The following BTBD9 variants were observed in gnomAD, a reference collection of about 807,000 sequenced individuals.
BTBD9 encodes the protein BTB domain containing 9, also known as BTB/POZ domain-containing protein 9.
In BTBD9, 49 loss-of-function variants were observed where a neutral mutation model predicts 64.3. That is an observed-to-expected ratio of 0.76 (90% CI 0.61 to 0.97). The LOEUF (loss-of-function observed/expected upper bound fraction) is 0.97. Among genes scored for constraint, BTBD9 ranks in the 50% least tolerant of loss-of-function variants. BTBD9 has a pLI of 0.00. For synonymous variants in BTBD9, 260 were observed against 274.7 expected (o/e 0.95, Z 0.53); for missense variants, 598 against 762.1 (o/e 0.78, Z 2.53).
chr6:38,542,562 A>T (rs886614107), intron 6 of BTBD9, among the ~76,000 whole-genome samples: 13 of 152,190 alleles, frequency 8.5e-5, no homozygotes, highest in African/African-American at 3.1e-4. Flanking sequence ...CTGACCGGTA[A>T]GGCTGTTCCA....
chr6:38,226,896 G>A (rs1441483941), intron 9 of BTBD9, among the ~76,000 whole-genome samples: 1 of 152,224 alleles, frequency 6.6e-6, no homozygotes, highest in Non-Finnish European at 1.5e-5. Flanking sequence ...AACCACTGCT[G>A]CGGCCTATCA....
rs530183741 is a variant in BTBD9, at chr6:38,275,189, C to T, written c.1454+13083G>A. ...AACAGAACAGAGCCCTCAGATATAA[C>T]GCCACATATCTACAACTATCTGATC... On this transcript the variant is annotated intron_variant, in intron 8 of 10. Transcript: ENST00000481247. Among the ~76,000 whole-genome samples, 8 of 152,248 alleles carry T rather than the reference C, an allele frequency of 5.3e-5. No individual in the cohort carries two copies. In the East Asian group the frequency reaches 5.8e-4, roughly 11 times the overall value.
intron 6 of BTBD9, among the ~76,000 whole-genome samples, chr6:38,470,052 A>G (rs1582482315): frequency 6.6e-6 from 1 of 152,226 alleles, no homozygotes; most frequent in Non-Finnish European, 1.5e-5. Context: ...CCTAACACCA[A>G]CAAGTTCCAA....
At chr6:38,556,117 A>G (rs1775001470) in intron 6 of BTBD9, among the ~76,000 whole-genome samples, 1 of 152,222 alleles carries the variant, frequency 6.6e-6, no homozygotes, top group Non-Finnish European at 1.5e-5. Context: ...ATCATATACG[A>G]AAGGCCACAG....
At chr6:38,618,265 A>G (rs970157378) in intron 1 of BTBD9, among the ~76,000 whole-genome samples, 7 of 152,208 alleles carry the variant, frequency 4.6e-5, no homozygotes, top group Non-Finnish European at 1.0e-4. Flanking sequence ...CCTGGGCCCA[A>G]TATTCTCTCC....
intron 6 of BTBD9, among the ~76,000 whole-genome samples, chr6:38,443,192 T>G (rs1350976480): frequency 6.6e-6 from 1 of 151,984 alleles, no homozygotes; most frequent in Non-Finnish European, 1.5e-5. Flanking sequence ...AGAAGAAAAA[T>G]TCAGGCTGCT....
At chr6:38,487,625 A>AGAGAGAGAGAGAG (rs1771517211) in intron 6 of BTBD9, among the ~76,000 whole-genome samples, 3 of 117,686 alleles carry the variant, frequency 2.5e-5, no homozygotes, top group African/African-American at 6.8e-5. Flanking sequence ...GAGAGAGAGA[A>AGAGAGAGAGAGAG]GGAAGGAAAG....
intron 7 of BTBD9, among the ~76,000 whole-genome samples, chr6:38,343,259 T>C (rs1411998545): frequency 1.3e-5 from 2 of 152,194 alleles, no homozygotes; most frequent in African/African-American, 4.8e-5. Flanking sequence ...GGACAAAACA[T>C]GCATGCCAAC....
chr6:38,200,567 A>C (rs1384618489), intron 9 of BTBD9, among the ~76,000 whole-genome samples: 1 of 152,212 alleles, frequency 6.6e-6, no homozygotes, highest in African/African-American at 2.4e-5. Flanking sequence ...CAAAATTAGA[A>C]GTGAAAAAGG....
At chr6:38,273,346 T>C (rs757890256) in intron 8 of BTBD9, among the ~76,000 whole-genome samples, 10 of 152,130 alleles carry the variant, frequency 6.6e-5, no homozygotes, top group Admixed American at 2.0e-4. Flanking sequence ...TTTTGTATAC[T>C]ATATTGTTTT....
chr6:38,398,270 T>C (rs996683814), intron 6 of BTBD9, among the ~76,000 whole-genome samples: 1 of 152,192 alleles, frequency 6.6e-6, no homozygotes, highest in African/African-American at 2.4e-5. Context: ...CTAAACAGTC[T>C]ATGGTTAAAA....
chr6:38,396,704 A>T (rs1237918921), intron 6 of BTBD9, among the ~76,000 whole-genome samples: 1 of 152,176 alleles, frequency 6.6e-6, no homozygotes, highest in East Asian at 1.9e-4. Flanking sequence ...ACCTATTTAG[A>T]GGTAGAAATG....
intron 6 of BTBD9, among the ~76,000 whole-genome samples, chr6:38,455,580 G>A (rs1029209867): frequency 1.3e-5 from 2 of 152,178 alleles, no homozygotes; most frequent in Non-Finnish European, 2.9e-5. Context: ...ACATGCTGTT[G>A]TGTGTGTAAG....
intron 6 of BTBD9, among the ~76,000 whole-genome samples, chr6:38,390,229 C>T (rs1462683755): frequency 1.3e-5 from 2 of 152,152 alleles, no homozygotes; most frequent in African/African-American, 4.8e-5. Context: ...GGATCACAGG[C>T]ACCTGCCACC....
intron 1 of BTBD9, among the ~76,000 whole-genome samples, chr6:38,604,290 T>A (rs1204292289): frequency 6.6e-6 from 1 of 152,128 alleles, no homozygotes; most frequent in Non-Finnish European, 1.5e-5. Flanking sequence ...TGTAAATAAA[T>A]GTTTATAAAT....
chr6:38,176,450 T>C (rs575709864), intron 10 of BTBD9, among the ~76,000 whole-genome samples: 112 of 152,160 alleles, frequency 7.4e-4, no homozygotes, highest in Non-Finnish European at 1.0e-3. Context: ...CATTTTCTCT[T>C]AGAGGGAGCT....
chr6:38,507,160 G>A (rs1052380375), intron 6 of BTBD9, among the ~76,000 whole-genome samples: 4 of 152,196 alleles, frequency 2.6e-5, no homozygotes, highest in Non-Finnish European at 5.9e-5. Flanking sequence ...GGGCCTCACT[G>A]TTATTCCTGA....
chr6:38,397,563 T>C (rs1222991952), intron 6 of BTBD9, among the ~76,000 whole-genome samples: 1 of 152,194 alleles, frequency 6.6e-6, no homozygotes, highest in Non-Finnish European at 1.5e-5. Flanking sequence ...TGCATCACTC[T>C]AGTGAAGCTA....
chr6:38,561,929 A>G (rs145304940), intron 6 of BTBD9, among the ~76,000 whole-genome samples: 84 of 152,308 alleles, frequency 5.5e-4, no homozygotes, highest in African/African-American at 2.0e-3. Flanking sequence ...AATGTAAAAT[A>G]AAAGTTGAAA....
Sources: allele counts gnomAD v4.1 joint callset (sites outside exome capture counted in the v4.1 genomes callset), GRCh38; gene constraint gnomAD v4.1.1; transcripts MANE v1.5; gene names NCBI Gene and HGNC (gene_info 2026-07-23, HGNC 2026-07-21).